The following NRG1 variants were observed in gnomAD, a reference collection of about 807,000 sequenced individuals.
The protein encoded by NRG1 is neuregulin 1.
In NRG1, 18 loss-of-function variants were observed where a neutral mutation model predicts 63.8. The ratio of observed to expected loss-of-function variants is 0.28; its 90% CI spans 0.19 to 0.42. The LOEUF is 0.42. Ranked by LOEUF, NRG1 falls within the 10% of genes least tolerant of loss-of-function variation. The probability of loss-of-function intolerance (pLI) is 1.00; values close to 1 mark genes in which losing one functional copy is unlikely to be tolerated. For missense variants in NRG1, 762 were observed against 814.7 expected, an observed-to-expected ratio of 0.94 and a Z score of 0.79; for synonymous variants, 302 against 301.3, an observed-to-expected ratio of 1.00 and a Z score of -0.02.
chr8:32,365,123 T>A (rs2679832), intron 1 of NRG1, among the ~76,000 whole-genome samples: 130,575 of 151,970 alleles, frequency 0.86, 56,488 homozygotes, highest in Middle Eastern at 0.93. Flanking sequence ...CCTGAGCTCA[T>A]GCAGTCTACC....
intron 1 of NRG1, among the ~76,000 whole-genome samples, chr8:31,987,840 A>G (rs891324537): frequency 6.6e-6 from 1 of 152,126 alleles, no homozygotes; most frequent in African/African-American, 2.4e-5. Flanking sequence ...TAGTAATACC[A>G]AAATAATTAG....
At chr8:31,691,945 G>A (rs959727962) in intron 1 of NRG1, among the ~76,000 whole-genome samples, 3 of 152,076 alleles carry the variant, frequency 2.0e-5, no homozygotes, top group Non-Finnish European at 4.4e-5. Context: ...GAATCCTCCT[G>A]CCTCAGTCTC....
intron 1 of NRG1, among the ~76,000 whole-genome samples, chr8:32,157,984 T>C (rs1838329790): frequency 6.6e-6 from 1 of 152,136 alleles, no homozygotes; most frequent in African/African-American, 2.4e-5. Flanking sequence ...CCAAACTCTG[T>C]CCCGGGATGC....
intron 1 of NRG1, among the ~76,000 whole-genome samples, chr8:32,459,454 A>G (rs1185802275): frequency 6.6e-6 from 1 of 151,920 alleles, no homozygotes; most frequent in Non-Finnish European, 1.5e-5. Flanking sequence ...AATTCTCCTT[A>G]AAACAGCCAG....
At chr8:32,440,737 G>A (rs1479982801) in intron 1 of NRG1, 2 of 152,116 alleles carry the variant, frequency 1.3e-5, no homozygotes, top group African/African-American at 4.8e-5. Context: ...CTGTGACTCA[G>A]TGAACCATCT....
chr8:32,180,870 A>C (rs1400774676), intron 1 of NRG1, among the ~76,000 whole-genome samples: 1 of 152,012 alleles, frequency 6.6e-6, no homozygotes, highest in Admixed American at 6.6e-5. Flanking sequence ...CCCCAATTGA[A>C]GTTGTGTGCC....
intron 1 of NRG1, among the ~76,000 whole-genome samples, chr8:31,868,147 T>TACACACACACACAC (rs1047085862): frequency 1.7e-3 from 54 of 32,650 alleles, no homozygotes; most frequent in African/African-American, 4.0e-3. Flanking sequence ...ACATACATCT[T>TACACACACACACAC]ACACACACAC....
At chr8:32,489,581 A>G (rs748924265) in intron 1 of NRG1, among the ~76,000 whole-genome samples, 5 of 151,620 alleles carry the variant, frequency 3.3e-5, no homozygotes, top group Admixed American at 6.6e-5. Context: ...TCTTAAGGAG[A>G]CTCCCAGCTT....
intron 1 of NRG1, among the ~76,000 whole-genome samples, chr8:31,858,784 C>G (rs927508826): frequency 3.9e-5 from 6 of 152,174 alleles, no homozygotes; most frequent in African/African-American, 9.7e-5. Flanking sequence ...GCTCAATTCT[C>G]CAGGACAACG....
chr8:32,184,690 G>A (rs925896664), intron 1 of NRG1, among the ~76,000 whole-genome samples: 3 of 151,884 alleles, frequency 2.0e-5, no homozygotes, highest in Non-Finnish European at 2.9e-5. Flanking sequence ...CTTGTTTTAT[G>A]CTTTAATGGT....
At chr8:32,535,560 A>G (rs1349700095) in intron 1 of NRG1, among the ~76,000 whole-genome samples, 9 of 152,192 alleles carry the variant, frequency 5.9e-5, no homozygotes, top group Non-Finnish European at 1.2e-4. Context: ...CCCATGGACA[A>G]GGCTCATAAA....
chr8:32,467,462 C>G (rs549950592), intron 1 of NRG1, among the ~76,000 whole-genome samples: 7 of 152,254 alleles, frequency 4.6e-5, no homozygotes, highest in Admixed American at 2.0e-4. Flanking sequence ...CAATAGATGC[C>G]ATGTGAAATC....
At chr8:32,647,810 G>A in intron 5 of NRG1, 1 of 1,613,812 alleles carries the variant, frequency 6.2e-7, no homozygotes, top group Non-Finnish European at 8.5e-7. Flanking sequence ...CTCTTGATGG[G>A]CTTCCGGCAG....
At chr8:32,498,951 A>G (rs891051654) in intron 1 of NRG1, among the ~76,000 whole-genome samples, 2 of 152,164 alleles carry the variant, frequency 1.3e-5, no homozygotes, top group Admixed American at 6.6e-5. Flanking sequence ...GCATATTTCA[A>G]CCTCCTTCAT....
intron 1 of NRG1, among the ~76,000 whole-genome samples, chr8:32,148,113 A>G (rs1306574644): frequency 1.3e-5 from 2 of 152,176 alleles, no homozygotes; most frequent in East Asian, 3.9e-4. Flanking sequence ...TGTTGAATAT[A>G]TTTCCTCAGT....
chr8:31,742,192 T>C (rs1049607424), intron 1 of NRG1, among the ~76,000 whole-genome samples: 4 of 151,830 alleles, frequency 2.6e-5, no homozygotes, highest in African/African-American at 4.8e-5. Flanking sequence ...GGTAGAACTA[T>C]AGAGAATTTT....
At chr8:32,587,727 T>A (rs896491392) in intron 1 of NRG1, among the ~76,000 whole-genome samples, 8 of 152,248 alleles carry the variant, frequency 5.3e-5, no homozygotes, top group African/African-American at 1.9e-4. Context: ...ATATCTTCCA[T>A]TCAATAAATT....
At chr8:32,194,609 C>T (rs1842794519) in intron 1 of NRG1, among the ~76,000 whole-genome samples, 1 of 152,134 alleles carries the variant, frequency 6.6e-6, no homozygotes, top group Non-Finnish European at 1.5e-5. Flanking sequence ...ATGTGACTTA[C>T]ATTCCCCAGG....
At chr8:31,668,640 G>T (rs1365103053) in intron 1 of NRG1, among the ~76,000 whole-genome samples, 2 of 152,232 alleles carry the variant, frequency 1.3e-5, no homozygotes, top group Non-Finnish European at 2.9e-5. Context: ...GTGGGCAGGG[G>T]TGGAGGCCTG....
Sources: allele counts gnomAD v4.1 joint callset (sites outside exome capture counted in the v4.1 genomes callset), GRCh38; gene constraint gnomAD v4.1.1; transcripts MANE v1.5; gene names NCBI Gene and HGNC (gene_info 2026-07-23, HGNC 2026-07-21).